The following FRMPD4 variants were observed in gnomAD, a reference collection of about 807,000 sequenced individuals.
The protein encoded by FRMPD4 is FERM and PDZ domain containing 4.
A neutral mutation model predicts 94.1 loss-of-function variants in FRMPD4; 22 were observed. The observed-to-expected ratio is 0.23, with a 90% confidence interval of 0.17 to 0.33. FRMPD4 has a LOEUF of 0.33. Among genes scored for constraint, FRMPD4 ranks in the 10% least tolerant of loss-of-function variants. The pLI is 1.00. For synonymous variants in FRMPD4, 631 were observed against 548.6 expected, an observed-to-expected ratio of 1.15 and a Z score of -2.10; for missense variants, 1,111 against 1,339.9, an observed-to-expected ratio of 0.83 and a Z score of 2.67.
At chrX:12,168,621 C>T (rs186341945) in intron 1 of FRMPD4, among the ~76,000 whole-genome samples, 5 of 83,385 alleles carry the variant, frequency 6.0e-5, no homozygotes, top group African/African-American at 1.8e-4. Context: ...AGACACTGAC[C>T]CTTTTTTTTT....
At chrX:12,299,498 C>A (rs1336748617) in intron 1 of FRMPD4, among the ~76,000 whole-genome samples, 2 of 107,766 alleles carry the variant, frequency 1.9e-5, no homozygotes, top group Non-Finnish European at 3.8e-5. Flanking sequence ...AGCGCCAAGA[C>A]AAAAATACTC....
In FRMPD4 at chrX:12,489,197, T is replaced by C. The variant is rs1490761392; in HGVS notation, c.42-9483T>C. Reference sequence around the variant, plus strand: ...GAAAGAATTTAAGAACTTAATGGAATGGGAGATAATTATTAAATAGATATA... The same window carrying C: ...GAAAGAATTTAAGAACTTAATGGAACGGGAGATAATTATTAAATAGATATA... On this transcript the variant is annotated intron_variant, in intron 1 of 16. Transcript: ENST00000675598. 3.6e-5 allele frequency among the ~76,000 whole-genome samples: 4 copies of C among 112,047 alleles called. No individual in the cohort carries two copies. The East Asian group carries it at 1.1e-3, about 31-fold the overall frequency.
intron 1 of FRMPD4, among the ~76,000 whole-genome samples, chrX:12,495,647 G>A (rs749630115): frequency 5.9e-4 from 65 of 110,846 alleles, no homozygotes; most frequent in Middle Eastern, 4.6e-3. Flanking sequence ...GCTGCTCCTG[G>A]GACTATGCTT....
chrX:12,031,139 T>C (rs2054689276), intron 3 of FRMPD4, among the ~76,000 whole-genome samples: 1 of 111,722 alleles, frequency 9.0e-6, no homozygotes, highest in South Asian at 3.7e-4. Context: ...GAGGAGTAAA[T>C]ACAGAACAGC....
chrX:11,895,647 G>A (rs2053899321), intron 3 of FRMPD4, among the ~76,000 whole-genome samples: 1 of 112,037 alleles, frequency 8.9e-6, no homozygotes, highest in African/African-American at 3.2e-5. Flanking sequence ...GCAGAGACAA[G>A]GGGATGAGAA....
At chrX:11,953,317 A>T (rs1451184136) in intron 3 of FRMPD4, among the ~76,000 whole-genome samples, 3 of 111,785 alleles carry the variant, frequency 2.7e-5, no homozygotes, top group Non-Finnish European at 3.8e-5. Context: ...CTTTTTTTTA[A>T]CCCTGCTGTA....
At chrX:11,899,932 C>T (rs1458402260) in intron 3 of FRMPD4, among the ~76,000 whole-genome samples, 1 of 111,746 alleles carries the variant, frequency 8.9e-6, no homozygotes, top group East Asian at 2.8e-4. Context: ...TATTTATCAC[C>T]ATTGCTATAC....
chrX:12,127,262 T>C (rs905565716), intron 3 of FRMPD4, among the ~76,000 whole-genome samples: 1 of 111,781 alleles, frequency 8.9e-6, no homozygotes, highest in African/African-American at 3.3e-5. Flanking sequence ...TGAGACTGGG[T>C]AATTTATATT....
chrX:12,382,714 T>C (rs765601776), intron 1 of FRMPD4, among the ~76,000 whole-genome samples: 91 of 111,766 alleles, frequency 8.1e-4, no homozygotes, highest in Non-Finnish European at 1.5e-3. Context: ...GCATCCCCAA[T>C]TTTAAAATTG....
intron 3 of FRMPD4, among the ~76,000 whole-genome samples, chrX:12,131,888 G>A (rs1033921089): frequency 8.9e-6 from 1 of 112,120 alleles, no homozygotes; most frequent in African/African-American, 3.2e-5. Context: ...GAACAAAAAC[G>A]TTTAGAAAAC....
intron 3 of FRMPD4, among the ~76,000 whole-genome samples, chrX:12,124,467 A>G (rs1216572588): frequency 9.0e-6 from 1 of 111,670 alleles, no homozygotes; most frequent in East Asian, 2.8e-4. Flanking sequence ...GAAAACAGAT[A>G]TTGGCCTCCA....
chrX:12,166,438 C>T (rs1388983724), intron 1 of FRMPD4, among the ~76,000 whole-genome samples: 1 of 111,327 alleles, frequency 9.0e-6, no homozygotes, highest in Non-Finnish European at 1.9e-5. Context: ...TGATGTGTTG[C>T]TGGATTCGGT....
intron 3 of FRMPD4, among the ~76,000 whole-genome samples, chrX:11,908,055 C>T (rs1280073071): frequency 9.0e-6 from 1 of 110,627 alleles, no homozygotes; most frequent in African/African-American, 3.3e-5. Context: ...TCCCAGCTTC[C>T]TGTGGGTCAC....
chrX:11,824,347 G>A (rs2053428496), intron 1 of FRMPD4, among the ~76,000 whole-genome samples: 1 of 111,825 alleles, frequency 8.9e-6, no homozygotes, highest in African/African-American at 3.3e-5. Flanking sequence ...AAATATCGGA[G>A]CCATTAGCAT....
chrX:11,838,974 T>C (rs138278913), intron 1 of FRMPD4, among the ~76,000 whole-genome samples: 258 of 111,986 alleles, frequency 2.3e-3, no homozygotes, highest in Non-Finnish European at 3.1e-3. Context: ...GGATATATGT[T>C]TTCATTTCTC....
Position 12,392,911 on chromosome X carries a change from G to A in FRMPD4, c.42-105769G>A, listed in dbSNP as rs764938622. On this transcript the variant is annotated intron_variant, in intron 1 of 16. Coordinates refer to ENST00000675598, the MANE Select transcript of FRMPD4 (RefSeq NM_001368397.1). ...CATTTTTGAAAGTAACAAACTTAGT[G>A]AGCCAAGATCGCGCCACTGCACTCC... Among the ~76,000 whole-genome samples the A allele has an allele frequency of 4.6e-4, 51 of 112,030 alleles. No homozygotes were observed. The South Asian group carries it at 5.6e-3, about 12-fold the overall frequency.
chrX:12,448,813 G>A (rs996820358), intron 1 of FRMPD4, among the ~76,000 whole-genome samples: 1 of 111,916 alleles, frequency 8.9e-6, no homozygotes, highest in African/African-American at 3.2e-5. Flanking sequence ...AGACACATCT[G>A]ATCTCATGTC....
chrX:12,559,302 C>G (rs182404609), intron 2 of FRMPD4, among the ~76,000 whole-genome samples: 1 of 111,524 alleles, frequency 9.0e-6, no homozygotes, highest in Non-Finnish European at 1.9e-5. Flanking sequence ...GGGGAAGTGA[C>G]AAAAGATTTT....
At chrX:12,706,584 C>T (rs1229035823) in intron 11 of FRMPD4, among the ~76,000 whole-genome samples, 1 of 111,802 alleles carries the variant, frequency 8.9e-6, no homozygotes, top group African/African-American at 3.3e-5. Flanking sequence ...TATCTATACC[C>T]ATGAGTGCCC....
Sources: gnomAD v4.1 joint callset for allele counts (sites outside exome capture counted in the v4.1 genomes callset) on GRCh38, gnomAD v4.1.1 for gene constraint, MANE v1.5 for transcripts, NCBI Gene and HGNC (gene_info 2026-07-23, HGNC 2026-07-21) for gene names.